The following IL19 variants were observed in gnomAD, a reference collection of about 807,000 sequenced individuals.
IL19 encodes the protein interleukin-19.
A neutral mutation model predicts 19.5 loss-of-function variants in IL19; 15 were observed. That is an observed-to-expected ratio of 0.77 (90% CI 0.52 to 1.19). IL19 has a LOEUF of 1.19. Ranked by LOEUF, IL19 falls within the 50% of genes most tolerant of loss-of-function variation. IL19 has a pLI of 0.00. For missense variants in IL19, 199 were observed against 213.1 expected, an observed-to-expected ratio of 0.93 and a Z score of 0.41; for synonymous variants, 78 against 78.3, an observed-to-expected ratio of 1.00 and a Z score of 0.02.
chr1:206,842,496 G>T lies in IL19; in HGVS notation c.439-31G>T, dbSNP rs372751115. Reference sequence around the variant, plus strand: ...TGAAAACCATTACACAGTCTAGAAAGGTGGGTTCTTACATTGATCTCTGAT... The same window carrying T: ...TGAAAACCATTACACAGTCTAGAAATGTGGGTTCTTACATTGATCTCTGAT... On this transcript the variant is annotated intron_variant, in intron 6 of 6. Coordinates refer to ENST00000659997, the MANE Select transcript of IL19 (RefSeq NM_153758.5). 336 of 1,314,976 alleles carry T rather than the reference G, an allele frequency of 2.6e-4. No individual in the cohort carries two copies. In the African/African-American group the frequency reaches 3.8e-3, roughly 15 times the overall value. The allele number at this position is 1,314,976 out of a possible 1,614,324, so 81.5% of individuals were successfully genotyped here.
chr1:206,776,892 A>G (rs1358611584), intron 1 of IL19, among the ~76,000 whole-genome samples: 1 of 124,418 alleles, frequency 8.0e-6, no homozygotes, highest in Non-Finnish European at 1.6e-5. Context: ...TTTTCACTGT[A>G]TTAAATCTTG....
chr1:206,798,448 C>T (rs1048950216), intron 1 of IL19, among the ~76,000 whole-genome samples: 1 of 152,176 alleles, frequency 6.6e-6, no homozygotes, highest in Non-Finnish European at 1.5e-5. Flanking sequence ...AAGCGCCCAC[C>T]TTCCCACCCC....
intron 2 of IL19, among the ~76,000 whole-genome samples, chr1:206,830,182 T>G (rs1676553570): frequency 6.6e-6 from 1 of 152,214 alleles, no homozygotes; most frequent in Non-Finnish European, 1.5e-5. Flanking sequence ...TGAGAGCAGT[T>G]GTGCCACTTC....
At chr1:206,836,619 T>C (rs370397120) in intron 2 of IL19, 42 bp from the exon 3 acceptor site, 1 of 1,557,260 alleles carries the variant, frequency 6.4e-7, no homozygotes, top group African/African-American at 1.4e-5. Flanking sequence ...TTCATTGCCC[T>C]CCACTCTTGG....
chr1:206,826,998 G>T (rs1447717946), intron 2 of IL19, among the ~76,000 whole-genome samples: 1 of 152,204 alleles, frequency 6.6e-6, no homozygotes, highest in Admixed American at 6.5e-5. Context: ...TACAATGTGG[G>T]TGACACATTG....
intron 2 of IL19, among the ~76,000 whole-genome samples, chr1:206,816,634 A>G (rs1427729921): frequency 3.3e-5 from 5 of 152,234 alleles, no homozygotes. Context: ...TTAAAAAAAG[A>G]TGGTACAAAT....
At chr1:206,831,286 A>G (rs1364923583) in intron 2 of IL19, among the ~76,000 whole-genome samples, 2 of 152,168 alleles carry the variant, frequency 1.3e-5, no homozygotes, top group Admixed American at 1.3e-4. Flanking sequence ...CTGGCTCGCC[A>G]ATCTTCCCTC....
At chr1:206,841,389 T>A (rs1677012845) in intron 6 of IL19, among the ~76,000 whole-genome samples, 1 of 152,182 alleles carries the variant, frequency 6.6e-6, no homozygotes, top group Non-Finnish European at 1.5e-5. Flanking sequence ...AGATCCCCCA[T>A]GAAATGTGAG....
At chr1:206,802,941 T>C (rs1341553340) in intron 2 of IL19, among the ~76,000 whole-genome samples, 1 of 152,184 alleles carries the variant, frequency 6.6e-6, no homozygotes, top group Non-Finnish European at 1.5e-5. Flanking sequence ...GGCCAATATC[T>C]CAAGAACAGA....
rs558113779 is a variant in IL19 at position 206,790,584 on chromosome 1, T to C, written c.-148-8277T>C. Among the ~76,000 whole-genome samples, 4 of 152,330 alleles carry C rather than the reference T, an allele frequency of 2.6e-5. No homozygotes were observed. The South Asian group carries it at 8.3e-4, about 32-fold the overall frequency. ...GAGCCAACGGCCTGTGTCAGAGCTA[T>C]ATTTTCCACTCCGGCTACTGTGATT... On this transcript the variant is annotated intron_variant, in intron 1 of 6. Coordinates refer to ENST00000659997, the MANE Select transcript of IL19 (RefSeq NM_153758.5).
chr1:206,814,971 T>C (rs2102470270), intron 2 of IL19, among the ~76,000 whole-genome samples: 1 of 152,356 alleles, frequency 6.6e-6, no homozygotes, highest in East Asian at 1.9e-4. Context: ...AACAATCATT[T>C]ATTTTGCTCA....
chr1:206,801,002 C>T (rs1052546407), intron 2 of IL19, among the ~76,000 whole-genome samples: 4 of 152,180 alleles, frequency 2.6e-5, no homozygotes, highest in African/African-American at 4.8e-5. Context: ...GCTTATGGAG[C>T]GAGATGGCTG....
At chr1:206,791,368 T>A (rs1402673500) in intron 1 of IL19, among the ~76,000 whole-genome samples, 1 of 151,080 alleles carries the variant, frequency 6.6e-6, no homozygotes, top group Non-Finnish European at 1.5e-5. Context: ...AATGGCATGA[T>A]CTTGGCTCAC....
At chr1:206,772,173 A>T in intron 1 of IL19, 1 of 1,018,078 alleles carries the variant, frequency 9.8e-7, no homozygotes, top group Non-Finnish European at 1.5e-6. Flanking sequence ...TTGGGGATGG[A>T]GGTGGAGGCG....
chr1:206,832,235 A>G (rs1676630359), intron 2 of IL19, among the ~76,000 whole-genome samples: 1 of 152,268 alleles, frequency 6.6e-6, no homozygotes, highest in South Asian at 2.1e-4. Context: ...CCTGGCACAC[A>G]GGATAGAAAT....
At chr1:206,774,802 C>T (rs1674951171) in intron 1 of IL19, among the ~76,000 whole-genome samples, 1 of 152,048 alleles carries the variant, frequency 6.6e-6, no homozygotes, top group Non-Finnish European at 1.5e-5. Flanking sequence ...TAGAAGAGTG[C>T]CCTGTAAGCC....
Position 206,834,502 on chromosome 1 carries a change from C to T in IL19, c.-2-2159C>T, listed in dbSNP as rs896705476. 7 of 922,666 alleles carry T rather than the reference C, an allele frequency of 7.6e-6. No homozygotes were observed. The African/African-American group carries it at 1.1e-4, about 14-fold the overall frequency. 57.2% of individuals were successfully genotyped at this position (922,666 alleles called of 1,614,324 possible). The stretch of plus-strand genomic sequence containing the variant: ...GGTGACCTGTTACCATTGTGTATGG[C>T]TATGATGTTCCAGATGCTGGGCATT... On this transcript the variant is annotated intron_variant, in intron 2 of 6. Coordinates refer to ENST00000659997, the MANE Select transcript of IL19 (RefSeq NM_153758.5).
chr1:206,815,550 T>A (rs1676134327), intron 2 of IL19, among the ~76,000 whole-genome samples: 1 of 152,168 alleles, frequency 6.6e-6, no homozygotes, highest in African/African-American at 2.4e-5. Context: ...AAATATTCCT[T>A]TTTTTACTAT....
Position 206,842,432 on chromosome 1 carries a change from A to G in IL19, c.439-95A>G, listed in dbSNP as rs1558625340. On this transcript the variant is annotated intron_variant, in intron 6 of 6. Transcript: ENST00000659997. The stretch of plus-strand genomic sequence containing the variant: ...TCGTGACAAAAAAACAAAAACAGAA[A>G]CAAAACCTTGTGGGAACCAGCATAT... 4.0e-6 allele frequency: 3 copies of G among 743,302 alleles called. No homozygotes were observed. In the East Asian group the frequency reaches 8.2e-5, roughly 20 times the overall value. 46.0% of individuals were successfully genotyped at this position (743,302 alleles called of 1,614,324 possible). A position where few individuals can be genotyped will look rare whatever the true frequency, so the allele number is the denominator to read the frequency against.
Sources: allele counts gnomAD v4.1 joint callset (sites outside exome capture counted in the v4.1 genomes callset), GRCh38; gene constraint gnomAD v4.1.1; transcripts MANE v1.5; gene names NCBI Gene and HGNC (gene_info 2026-07-23, HGNC 2026-07-21).